HNRNPC: variants seen among roughly 807,000 people sequenced by gnomAD.
HNRNPC encodes the protein heterogeneous nuclear ribonucleoprotein C.
A neutral mutation model predicts 33.2 loss-of-function variants in HNRNPC; 3 were observed. The ratio of observed to expected loss-of-function variants is 0.09; its 90% CI spans 0.04 to 0.23. The LOEUF is 0.23. Ranked by LOEUF, HNRNPC falls within the 10% of genes least tolerant of loss-of-function variation. The probability of loss-of-function intolerance (pLI) is 1.00; values close to 1 mark genes in which losing one functional copy is unlikely to be tolerated. For synonymous variants in HNRNPC, 121 were observed against 126.7 expected, an observed-to-expected ratio of 0.96 and a Z score of 0.30; for missense variants, 143 against 366.7, an observed-to-expected ratio of 0.39 and a Z score of 4.98.
chr14:21,211,739 A>T, intron 7 of HNRNPC, 71 bp downstream of exon 7: 1 of 1,460,568 alleles, frequency 6.8e-7, no homozygotes, highest in Non-Finnish European at 9.6e-7. Context: ...CCACTATTCC[A>T]ACATGTACTT....
chr14:21,249,597 A>AAAC (rs1555358489), intron 2 of HNRNPC, among the ~76,000 whole-genome samples: 3 of 131,238 alleles, frequency 2.3e-5, no homozygotes, highest in African/African-American at 7.8e-5. Context: ...CAAAAACAAA[A>AAAC]AAAAAAAAAA....
chr14:21,247,906 G>A (rs372667483), intron 2 of HNRNPC, among the ~76,000 whole-genome samples: 2 of 151,468 alleles, frequency 1.3e-5, no homozygotes, highest in African/African-American at 2.4e-5. Context: ...AGAAAGAATC[G>A]CCAGAACATG....
chr14:21,224,192 G>A (rs1893158582), intron 5 of HNRNPC, among the ~76,000 whole-genome samples: 1 of 152,094 alleles, frequency 6.6e-6, no homozygotes, highest in African/African-American at 2.4e-5. Context: ...TAAGGTGAAG[G>A]TTCTCCTTCA....
intron 2 of HNRNPC, among the ~76,000 whole-genome samples, chr14:21,257,167 G>C (rs1317296300): frequency 6.6e-6 from 1 of 152,134 alleles, no homozygotes; most frequent in East Asian, 1.9e-4. Context: ...CAGGTAAACT[G>C]AATTGGTATG....
At chr14:21,254,109 A>AAAGT (rs10672346) in intron 2 of HNRNPC, among the ~76,000 whole-genome samples, 54,459 of 149,824 alleles carry the variant, frequency 0.36, 10,124 homozygotes, top group African/African-American at 0.42. Flanking sequence ...CCCCGGCAAA[A>AAAGT]AAGATGTGCA....
At chr14:21,212,047 C>G (rs1280497439) in intron 6 of HNRNPC, 124 bp from the exon 7 acceptor site, 1 of 729,216 alleles carries the variant, frequency 1.4e-6, no homozygotes, top group Non-Finnish European at 2.3e-6. Flanking sequence ...AGAGCCAGTA[C>G]AGATTTCTCG....
At chr14:21,251,422 T>C in intron 2 of HNRNPC, among the ~76,000 whole-genome samples, 1 of 152,092 alleles carries the variant, frequency 6.6e-6, no homozygotes, top group East Asian at 1.9e-4. Context: ...CTCACACCTG[T>C]ACTCCCAACA....
chr14:21,248,894 TAA>T (rs1244227867), intron 2 of HNRNPC, among the ~76,000 whole-genome samples: 1 of 151,770 alleles, frequency 6.6e-6, no homozygotes, highest in African/African-American at 2.4e-5. Context: ...GTGGACACAT[TAA>T]CAGTAAAAAA....
At chr14:21,232,841 G>A (rs1000233319) in intron 3 of HNRNPC, among the ~76,000 whole-genome samples, 10 of 152,144 alleles carry the variant, frequency 6.6e-5, no homozygotes, top group Non-Finnish European at 1.3e-4. Context: ...TTGAAGACCA[G>A]CCTGGCCACC....
chr14:21,219,190 G>A (rs984237457), intron 5 of HNRNPC, among the ~76,000 whole-genome samples: 86 of 151,808 alleles, frequency 5.7e-4, no homozygotes, highest in African/African-American at 1.9e-3. Flanking sequence ...ACATAGAAGA[G>A]TAAGAAGTTC....
intron 3 of HNRNPC, among the ~76,000 whole-genome samples, chr14:21,231,594 T>A (rs1434937653): frequency 2.0e-5 from 3 of 152,174 alleles, no homozygotes; most frequent in African/African-American, 7.2e-5. Context: ...GCTATCAAGC[T>A]CAGCTTCATC....
chr14:21,220,784 A>G (rs141503765), intron 5 of HNRNPC, among the ~76,000 whole-genome samples: 10 of 152,252 alleles, frequency 6.6e-5, no homozygotes, highest in African/African-American at 2.4e-4. Flanking sequence ...TAAAAGTTGA[A>G]TATCATACTT....
chr14:21,260,695 T>C (rs979590086), intron 2 of HNRNPC, among the ~76,000 whole-genome samples: 5 of 151,986 alleles, frequency 3.3e-5, no homozygotes, highest in Admixed American at 6.6e-5. Context: ...CCAGGTGCAG[T>C]GGCTCATGCC....
chr14:21,237,291 A>G (rs1204629178), intron 2 of HNRNPC, among the ~76,000 whole-genome samples: 1 of 152,226 alleles, frequency 6.6e-6, no homozygotes, highest in Non-Finnish European at 1.5e-5. Flanking sequence ...GTATAACTAT[A>G]GACATTCTAG....
intron 6 of HNRNPC, among the ~76,000 whole-genome samples, chr14:21,212,347 A>T (rs1891707089): frequency 6.6e-6 from 1 of 152,060 alleles, no homozygotes; most frequent in Non-Finnish European, 1.5e-5. Flanking sequence ...TTACAGGAGG[A>T]GTTCAATATA....
At chr14:21,219,183 T>C (rs921464500) in intron 5 of HNRNPC, among the ~76,000 whole-genome samples, 4 of 151,468 alleles carry the variant, frequency 2.6e-5, no homozygotes, top group Admixed American at 6.6e-5. Flanking sequence ...TTTATCAACA[T>C]AGAAGAGTAA....
intron 2 of HNRNPC, among the ~76,000 whole-genome samples, chr14:21,245,703 C>A (rs1397954980): frequency 2.0e-5 from 3 of 151,978 alleles, no homozygotes; most frequent in Non-Finnish European, 1.5e-5. Flanking sequence ...TTTTTCTTTT[C>A]TTTAATATAC....
At chr14:21,221,259 T>A (rs1275530422) in intron 5 of HNRNPC, among the ~76,000 whole-genome samples, 1 of 152,246 alleles carries the variant, frequency 6.6e-6, no homozygotes, top group Non-Finnish European at 1.5e-5. Flanking sequence ...GTCTGGGTTA[T>A]TTCCTTCCTG....
chr14:21,226,217 G>C (rs887579815), intron 5 of HNRNPC, among the ~76,000 whole-genome samples: 2 of 151,270 alleles, frequency 1.3e-5, no homozygotes, highest in Non-Finnish European at 2.9e-5. Context: ...AGCTACTCAG[G>C]AGGCTGAGGC....
Sources: allele counts gnomAD v4.1 joint callset (sites outside exome capture counted in the v4.1 genomes callset), GRCh38; gene constraint gnomAD v4.1.1; transcripts MANE v1.5; gene names NCBI Gene and HGNC (gene_info 2026-07-23, HGNC 2026-07-21).